The following PARP8 variants were observed in gnomAD, a reference collection of about 807,000 sequenced individuals.
PARP8 encodes the protein protein mono-ADP-ribosyltransferase PARP8.
PARP8 carries 51 observed loss-of-function variants against 124.1 expected under a neutral mutation model. That is an observed-to-expected ratio of 0.41 (90% confidence interval 0.33 to 0.52). The LOEUF is 0.52. Among genes scored for constraint, PARP8 ranks in the 20% least tolerant of loss-of-function variants. The pLI is 0.21. For synonymous variants in PARP8, 391 were observed against 361.5 expected, an observed-to-expected ratio of 1.08 and a Z score of -0.93; for missense variants, 860 against 1,018.9, an observed-to-expected ratio of 0.84 and a Z score of 2.12.
chr5:50,842,246 A>G lies in PARP8; in HGVS notation c.*178A>G, dbSNP rs1748255528. The G allele has an allele frequency of 2.1e-6, 1 of 482,048 alleles. No individual in the cohort carries two copies. The highest frequency in any genetic ancestry group is 3.7e-6 in the Non-Finnish European group (1 of 273,424). 29.9% of individuals were successfully genotyped at this position (482,048 alleles called of 1,614,324 possible). On this transcript the variant is annotated 3_prime_UTR_variant, in exon 26 of 26. Transcript: ENST00000281631. ...CATTAAATACCTAAAATGGTATAAG[A>G]TTTATCAATTGTAGGGTTATGGAAT...
At chr5:50,755,177 T>G (rs1759786123) in intron 3 of PARP8, among the ~76,000 whole-genome samples, 1 of 152,202 alleles carries the variant, frequency 6.6e-6, no homozygotes, top group Non-Finnish European at 1.5e-5. Context: ...AGAAGCTCTT[T>G]AGTTTAATTA....
rs2149714806 is a variant in PARP8, at chr5:50,829,972, T to C, written c.2233+11T>C. On this transcript the variant is annotated intron_variant, in intron 22 of 25. Transcript: ENST00000281631. ...CATTTGGTTACTCAGGTAATTCCTG[T>C]ATTTCATTTCTAAAGTCACATTTAT... The C allele has an allele frequency of 2.5e-6, 4 of 1,601,522 alleles. No homozygotes were observed. Among genetic ancestry groups the C allele is most frequent in the Non-Finnish European group, 3.4e-6 (4 of 1,173,226 alleles).
rs1441833028 is a variant in PARP8, at chr5:50,763,224, C to T, written c.500C>T (p.Pro167Leu). The part of the protein sequence containing the change: ...DLSAVREIYG[P>L]HAVSLREYGA... The stretch of plus-strand genomic sequence containing the variant: ...TCAGCAGTTAGAGAGATATATGGGC[C>T]ACATGCAGTTTCTCTCAGGTAAATA... The change falls in exon 7 of 26, where the codon CCA (proline) becomes CTA (leucine). Residue 167 changes from proline to leucine, a missense_variant. Transcript: ENST00000281631. 18 of 1,611,010 alleles carry T rather than the reference C, an allele frequency of 1.1e-5. No individual in the cohort carries two copies. The highest frequency in any genetic ancestry group is 1.5e-5 in the Non-Finnish European group (18 of 1,177,280).
At chr5:50,771,126 C>CATATATATACACATATATATA (rs1761586709) in intron 7 of PARP8, among the ~76,000 whole-genome samples, 2 of 150,312 alleles carry the variant, frequency 1.3e-5, no homozygotes, top group East Asian at 1.9e-4. Context: ...TACACACACA[C>CATATATATACACATATATATA]ATATATATAC....
At chr5:50,797,767 G>A (rs1221342240) in intron 14 of PARP8, among the ~76,000 whole-genome samples, 1 of 152,204 alleles carries the variant, frequency 6.6e-6, no homozygotes, top group East Asian at 1.9e-4. Flanking sequence ...GTGCATTTTG[G>A]AGAGAACGAT....
chr5:50,726,893 C>T (rs1209418889), intron 2 of PARP8, among the ~76,000 whole-genome samples: 2 of 152,080 alleles, frequency 1.3e-5, no homozygotes, highest in East Asian at 3.9e-4. Context: ...TAGAATAACA[C>T]ATCTCTCTGT....
chr5:50,816,735 A>G (rs534743302), intron 15 of PARP8, among the ~76,000 whole-genome samples: 3 of 152,318 alleles, frequency 2.0e-5, no homozygotes, highest in Admixed American at 6.5e-5. Flanking sequence ...ACACATTTGC[A>G]TATTAACGGT....
chr5:50,728,567 TA>T (rs1211306729), intron 2 of PARP8, among the ~76,000 whole-genome samples: 3 of 152,032 alleles, frequency 2.0e-5, no homozygotes, highest in Admixed American at 2.0e-4. Flanking sequence ...CCTCAGTTCC[TA>T]AAGAACTACA....
In PARP8 at chr5:50,778,679, T is replaced by C. The variant is rs768976208; in HGVS notation, c.670+29T>C. ...AGTTTTATTTCTTTATTTATTATTT[T>C]GAATATTAATTAGCTGTGCACTATG... is the stretch of plus-strand genomic sequence containing the variant. On this transcript the variant is annotated intron_variant, in intron 9 of 25. Coordinates refer to ENST00000281631, the MANE Select transcript of PARP8 (RefSeq NM_024615.4). 1.2e-5 allele frequency: 17 copies of C among 1,457,748 alleles called. No homozygotes were observed. In the South Asian group the frequency reaches 2.2e-4, roughly 19 times the overall value. The allele number at this position is 1,457,748 out of a possible 1,614,324, so 90.3% of individuals were successfully genotyped here. A position where few individuals can be genotyped will look rare whatever the true frequency, so the allele number is the denominator to read the frequency against.
chr5:50,769,110 T>C (rs2149590661), intron 7 of PARP8, among the ~76,000 whole-genome samples: 1 of 152,286 alleles, frequency 6.6e-6, no homozygotes, highest in Non-Finnish European at 1.5e-5. Context: ...AAGATACTTT[T>C]AACCAAAAGG....
intron 18 of PARP8, 143 bp from the exon 19 acceptor site, chr5:50,826,612 C>A: frequency 9.3e-7 from 1 of 1,076,278 alleles, no homozygotes; most frequent in Non-Finnish European, 1.3e-6. Context: ...GGAAACAAAC[C>A]TAAATTATGC....
At chr5:50,750,710 G>T (rs190379486) in intron 3 of PARP8, among the ~76,000 whole-genome samples, 1 of 151,928 alleles carries the variant, frequency 6.6e-6, no homozygotes, top group East Asian at 1.9e-4. Context: ...TTATAAGATC[G>T]TTACATTTGA....
intron 7 of PARP8, 65 bp from the exon 8 acceptor site, chr5:50,778,004 C>A: frequency 8.3e-7 from 1 of 1,206,908 alleles, no homozygotes. Context: ...AATAAAATAA[C>A]CTAACACACA....
chr5:50,670,910 T>C (rs551224903), intron 2 of PARP8, among the ~76,000 whole-genome samples: 19 of 152,354 alleles, frequency 1.2e-4, no homozygotes, highest in South Asian at 4.1e-4. Context: ...ATAAGTAGCA[T>C]TTACATATGC....
At chr5:50,680,713 T>C (rs1447135133) in intron 2 of PARP8, among the ~76,000 whole-genome samples, 1 of 152,170 alleles carries the variant, frequency 6.6e-6, no homozygotes, top group African/African-American at 2.4e-5. Context: ...CTTAGCCTTC[T>C]CCTTTTTAAG....
chr5:50,772,650 T>C (rs546913623), intron 7 of PARP8, among the ~76,000 whole-genome samples: 119 of 152,312 alleles, frequency 7.8e-4, no homozygotes, highest in African/African-American at 2.8e-3. Context: ...TTGTATGTCT[T>C]TTGAGAAATG....
chr5:50,743,745 C>G (rs1460282782), intron 2 of PARP8, among the ~76,000 whole-genome samples: 1 of 151,188 alleles, frequency 6.6e-6, no homozygotes, highest in Non-Finnish European at 1.5e-5. Context: ...GTCTCCAAAA[C>G]ATAAATAAAT....
rs374336377 is a variant in PARP8 at position 50,668,144 on chromosome 5, T to G, written c.146+19T>G. 4.5e-6 allele frequency: 7 copies of G among 1,572,982 alleles called. No homozygotes were observed. In the African/African-American group the frequency reaches 9.5e-5, roughly 21 times the overall value. On this transcript the variant is annotated intron_variant, in intron 2 of 25. Coordinates refer to ENST00000281631, the MANE Select transcript of PARP8 (RefSeq NM_024615.4). ...CCAGAAGGTATTTATGTGTATAGAG[T>G]TGCTTCATTTCCTGTTCACACTCTT...
intron 7 of PARP8, among the ~76,000 whole-genome samples, chr5:50,766,358 A>G (rs1761061403): frequency 6.6e-6 from 1 of 152,198 alleles, no homozygotes; most frequent in African/African-American, 2.4e-5. Context: ...AACGCATTTT[A>G]TGTTTTTCAT....
Sources: allele counts gnomAD v4.1 joint callset (sites outside exome capture counted in the v4.1 genomes callset), GRCh38; gene constraint gnomAD v4.1.1; transcripts MANE v1.5; gene names NCBI Gene and HGNC (gene_info 2026-07-23, HGNC 2026-07-21).